SPATA1: variants seen among roughly 807,000 people sequenced by gnomAD.
SPATA1 encodes spermatogenesis-associated protein 1.
A neutral mutation model predicts 59.6 loss-of-function variants in SPATA1; 57 were observed. The ratio of observed to expected loss-of-function variants is 0.96; its 90% CI spans 0.77 to 1.19. SPATA1 has a LOEUF of 1.19. SPATA1 is among the 50% of genes most tolerant of loss of function. The probability of loss-of-function intolerance (pLI) is 0.00; values close to 1 mark genes in which losing one functional copy is unlikely to be tolerated. For synonymous variants in SPATA1, 147 were observed against 163.9 expected, an observed-to-expected ratio of 0.90 and a Z score of 0.79; for missense variants, 448 against 480.7, an observed-to-expected ratio of 0.93 and a Z score of 0.64.
intron 2 of SPATA1, 52 bp from the exon 3 acceptor site, chr1:84,520,533 T>A: frequency 8.7e-7 from 1 of 1,153,508 alleles, no homozygotes; most frequent in Non-Finnish European, 1.2e-6. Flanking sequence ...TCAATTGATT[T>A]TTTTTTTCAC....
chr1:84,545,243 CAT>C (rs985119988), intron 9 of SPATA1, among the ~76,000 whole-genome samples: 3 of 147,956 alleles, frequency 2.0e-5, no homozygotes, highest in African/African-American at 7.4e-5. Context: ...ATTTATATAT[CAT>C]ATATATATCA....
At chr1:84,523,503 T>C in intron 4 of SPATA1, among the ~76,000 whole-genome samples, 1 of 152,244 alleles carries the variant, frequency 6.6e-6, no homozygotes, top group East Asian at 1.9e-4. Flanking sequence ...TTATAGGTCC[T>C]TGTGGGGAGG....
In SPATA1 at chr1:84,526,067, GAAGAAGGTGATTTTAAACTGGAATGGGAA is replaced by G; in HGVS notation, c.541_544+25del. 6.2e-7 allele frequency: 1 copy of G among 1,606,014 alleles called. No homozygotes were observed. The highest frequency in any genetic ancestry group is 1.1e-5 in the South Asian group (1 of 89,684). Reference sequence around the variant, plus strand: ...GAAAGAGCTTCCTAACAAGAATCAGGAAGAAGGTGATTTTAAACTGGAATGGGAAAAAGAAAGAGGCTATTATAGTACAT... The same window carrying G: ...GAAAGAGCTTCCTAACAAGAATCAGGAAAGAAAGAGGCTATTATAGTACAT... On this transcript the variant is annotated splice_donor_variant and splice_donor_5th_base_variant and coding_sequence_variant and intron_variant, in exon 6 of 13. Transcript: ENST00000490879. LOFTEE classifies it high-confidence loss of function.
chr1:84,525,774 T>C, intron 5 of SPATA1, 25 bp downstream of exon 5: 1 of 1,605,118 alleles, frequency 6.2e-7, no homozygotes, highest in Admixed American at 1.8e-5. Context: ...ATTTTAAACT[T>C]ATGCTAATTT....
intron 12 of SPATA1, chr1:84,552,757 TCTCA>T (rs1684315880): frequency 4.3e-6 from 1 of 231,596 alleles, no homozygotes; most frequent in Non-Finnish European, 8.4e-6. Context: ...TAAAATTCTT[TCTCA>T]CTCTAGTTTT....
At chr1:84,566,435 C>T (rs1163461433), downstream of SPATA1, among the ~76,000 whole-genome samples, 1 of 152,102 alleles carries the variant, frequency 6.6e-6, no homozygotes, top group African/African-American at 2.4e-5. Flanking sequence ...AAATATGTCA[C>T]CTGTTGGCAC....
chr1:84,557,651 C>G (rs1211505451), downstream of SPATA1, among the ~76,000 whole-genome samples: 1 of 150,548 alleles, frequency 6.6e-6, no homozygotes, highest in Non-Finnish European at 1.5e-5. Context: ...GTCAGGAGAT[C>G]GAGACCATCC....
At chr1:84,551,161 A>T in intron 12 of SPATA1, 1 of 985,204 alleles carries the variant, frequency 1.0e-6, no homozygotes, top group Non-Finnish European at 1.2e-6. Context: ...TTTTTTGTTG[A>T]ACAGAAAACA....
intron 5 of SPATA1, 29 bp downstream of exon 5, chr1:84,525,778 C>T (rs1457013841): frequency 1.2e-6 from 2 of 1,604,416 alleles, no homozygotes; most frequent in Non-Finnish European, 1.7e-6. Flanking sequence ...TAAACTTATG[C>T]TAATTTTTAA....
chr1:84,545,874 G>C, intron 10 of SPATA1, 115 bp downstream of exon 10: 2 of 767,532 alleles, frequency 2.6e-6, no homozygotes, highest in Non-Finnish European at 3.6e-6. Flanking sequence ...TACTATTTTA[G>C]TTTAAGTGGT....
At chr1:84,526,938 A>G (rs556153612) in intron 6 of SPATA1, among the ~76,000 whole-genome samples, 1 of 152,150 alleles carries the variant, frequency 6.6e-6, no homozygotes, top group African/African-American at 2.4e-5. Flanking sequence ...TAAATACATA[A>G]ATAAAGCTAA....
intron 6 of SPATA1, among the ~76,000 whole-genome samples, chr1:84,532,580 T>C (rs768506269): frequency 3.3e-5 from 5 of 152,160 alleles, no homozygotes; most frequent in Non-Finnish European, 7.4e-5. Flanking sequence ...ACAAACCCTT[T>C]AATAGGAGTG....
At chr1:84,517,208 GTTTGTTTTCTTC>G (rs1180250384) in intron 2 of SPATA1, among the ~76,000 whole-genome samples, 1 of 152,020 alleles carries the variant, frequency 6.6e-6, no homozygotes, top group Non-Finnish European at 1.5e-5. Context: ...TACATATTAT[GTTTGTTTTCTTC>G]TTACCTCCCT....
At position 84,510,884 on chromosome 1, in the gene SPATA1, CATT is replaced by C. The variant is rs1167047604; in HGVS notation, c.-138+4469_-138+4471del. 2.0e-4 allele frequency among the ~76,000 whole-genome samples: 30 copies of C among 152,268 alleles called. 1 individual carries two copies. The highest frequency in any genetic ancestry group is 6.7e-4 in the African/African-American group (28 of 41,554). On this transcript the variant is annotated intron_variant, in intron 1 of 12. Transcript: ENST00000490879. ...CAACAACATGGATAGAACTGGATGT[CATT>C]ATGTTAAGTGAAAAAGCCAGACACA...
At chr1:84,513,471 C>G (rs1570386360) in intron 1 of SPATA1, among the ~76,000 whole-genome samples, 1 of 152,278 alleles carries the variant, frequency 6.6e-6, no homozygotes, top group East Asian at 1.9e-4. Context: ...CTCATGGTTT[C>G]AATAGCAAAG....
intron 8 of SPATA1, among the ~76,000 whole-genome samples, chr1:84,536,707 G>T (rs921041908): frequency 6.6e-6 from 1 of 152,004 alleles, no homozygotes; most frequent in Admixed American, 6.6e-5. Context: ...GCCTCCCAAA[G>T]TGCTGGGATT....
chr1:84,513,959 A>G (rs934606204), intron 1 of SPATA1, among the ~76,000 whole-genome samples: 2 of 147,182 alleles, frequency 1.4e-5, no homozygotes, highest in Admixed American at 6.9e-5. Context: ...CCCCTGCCTC[A>G]CCCTCTTGAG....
chr1:84,542,033 G>A (rs1018390194), intron 8 of SPATA1, among the ~76,000 whole-genome samples: 4 of 151,968 alleles, frequency 2.6e-5, no homozygotes, highest in Non-Finnish European at 4.4e-5. Flanking sequence ...GCAATGGCAC[G>A]ATCTCAGCTC....
downstream of SPATA1, among the ~76,000 whole-genome samples, chr1:84,558,916 G>T (rs1174023046): frequency 1.3e-5 from 2 of 151,784 alleles, no homozygotes; most frequent in Non-Finnish European, 2.9e-5. Context: ...AAAGAAGAAT[G>T]TGTTCCTGCA....
Sources: allele counts gnomAD v4.1 joint callset (sites outside exome capture counted in the v4.1 genomes callset), GRCh38; gene constraint gnomAD v4.1.1; transcripts MANE v1.5; gene names NCBI Gene and HGNC (gene_info 2026-07-23, HGNC 2026-07-21).